GTF3C4: variants seen among roughly 807,000 people sequenced by gnomAD.
The protein encoded by GTF3C4 is general transcription factor 3C polypeptide 4.
A neutral mutation model predicts 67.5 loss-of-function variants in GTF3C4; 28 were observed. That is an observed-to-expected ratio of 0.41 (90% CI 0.31 to 0.57). The LOEUF is 0.57. Among genes scored for constraint, GTF3C4 ranks in the 20% least tolerant of loss-of-function variants. The probability of loss-of-function intolerance (pLI) is 0.21; values close to 1 mark genes in which losing one functional copy is unlikely to be tolerated. For missense variants in GTF3C4, 831 were observed against 1,033.2 expected, an observed-to-expected ratio of 0.80 and a Z score of 2.68; for synonymous variants, 409 against 393.0, an observed-to-expected ratio of 1.04 and a Z score of -0.48.
At chr9:132,688,142 G>A (rs1413762628) in intron 4 of GTF3C4, among the ~76,000 whole-genome samples, 2 of 152,222 alleles carry the variant, frequency 1.3e-5, no homozygotes, top group African/African-American at 4.8e-5. Flanking sequence ...AAAGGAAAGA[G>A]AAGGGTATAA....
intron 1 of GTF3C4, among the ~76,000 whole-genome samples, chr9:132,671,453 T>TTGTTTCAG (rs1328784943): frequency 4.6e-5 from 7 of 152,242 alleles, no homozygotes; most frequent in African/African-American, 1.7e-4. Flanking sequence ...ATTGTCTTAA[T>TTGTTTCAG]TGTTTCAGTG....
At chr9:132,672,938 A>G (rs1835806987) in intron 1 of GTF3C4, among the ~76,000 whole-genome samples, 1 of 152,042 alleles carries the variant, frequency 6.6e-6, no homozygotes, top group South Asian at 2.1e-4. Flanking sequence ...TAATCCCAGC[A>G]CTTTGGGAGG....
Position 132,677,984 on chromosome 9 carries a change from C to G in GTF3C4, c.365C>G (p.Ser122Ter). The change falls in exon 2 of 5, where the codon TCA (serine) becomes TGA (stop). Residue 122 changes from serine (S) to a stop codon, truncating the protein, a stop_gained. Coordinates refer to ENST00000372146, the MANE Select transcript of GTF3C4 (RefSeq NM_012204.4). LOFTEE classifies it high-confidence loss of function. ...TATATCTCTTATTTTCAGGTTGGCT[C>G]AAAAACAGAAGTTGCTGAGTGCAAG... ...PLNSCLLKVG[S>*]KTEVAECKEK... The G allele has an allele frequency of 6.3e-7, 1 of 1,592,358 alleles. No individual in the cohort carries two copies. The highest frequency in any genetic ancestry group is 1.1e-5 in the South Asian group (1 of 87,468).
chr9:132,689,047 G>T lies in GTF3C4; in HGVS notation c.*102G>T. On this transcript the variant is annotated 3_prime_UTR_variant, in exon 5 of 5. Coordinates refer to ENST00000372146, the MANE Select transcript of GTF3C4 (RefSeq NM_012204.4). ...GCACTGGAGGAAGCCGGACCCTCAC[G>T]AGTGGAGAGAAGTCCTTGGTGATTG... 1 of 833,758 alleles carries T rather than the reference G, an allele frequency of 1.2e-6. No individual in the cohort carries two copies. Among genetic ancestry groups the T allele is most frequent in the South Asian group, 1.4e-5 (1 of 72,306 alleles). 51.6% of individuals were successfully genotyped at this position (833,758 alleles called of 1,614,324 possible).
At chr9:132,670,261 G>C (rs902213228), upstream of GTF3C4, 1 of 1,522,542 alleles carries the variant, frequency 6.6e-7, no homozygotes, top group Admixed American at 2.1e-5. Context: ...TCACCGACGA[G>C]CCTCCCCTTT....
rs550973906 is a variant in GTF3C4 at position 132,671,050 on chromosome 9, G to C, written c.357+95G>C. The C allele has an allele frequency of 1.1e-5, 9 of 849,440 alleles. No homozygotes were observed. In the South Asian group the frequency reaches 1.3e-4, roughly 12 times the overall value. The allele number at this position is 849,440 out of a possible 1,614,324, so 52.6% of individuals were successfully genotyped here. ...GGGAATCCGATCCCACACTCTGTCC[G>C]GGGATTTCCCTCTTCGCACCGAGCG... On this transcript the variant is annotated intron_variant, in intron 1 of 4. Coordinates refer to ENST00000372146, the MANE Select transcript of GTF3C4 (RefSeq NM_012204.4).
rs1416444981 is a variant in GTF3C4 at position 132,679,782 on chromosome 9, G to A, written c.2163G>A (p.Glu721=). ...GLCNFLMSDE[E]YDDRTARVLI... is the part of the protein sequence containing the mutation. The stretch of plus-strand genomic sequence containing the variant: ...GTAACTTTTTAATGTCTGATGAAGA[G>A]TATGATGACAGAACTGCACGGGTAG... Residue 721 remains glutamate, a synonymous_variant, in exon 2 of 5, where the codon GAG becomes GAA. Transcript: ENST00000372146. The surrounding 1 kb of genome is among the most constrained non-coding windows in gnomAD (Gnocchi z 5.9). 1.2e-6 allele frequency: 2 copies of A among 1,607,156 alleles called. No homozygotes were observed. Among genetic ancestry groups the A allele is most frequent in the East Asian group, 4.5e-5 (2 of 44,664 alleles).
intron 4 of GTF3C4, among the ~76,000 whole-genome samples, 157 bp downstream of exon 4, chr9:132,687,484 G>T (rs912360406): frequency 1.3e-5 from 2 of 152,196 alleles, no homozygotes; most frequent in African/African-American, 2.4e-5. Context: ...TCTTTACGGT[G>T]TTACTGTGAA....
chr9:132,691,388 T>C lies in GTF3C4; in HGVS notation c.*2443T>C, dbSNP rs1252760378. The C allele has an allele frequency of 6.6e-6, 1 of 152,254 alleles. No homozygotes were observed. The highest frequency in any genetic ancestry group is 1.5e-5 in the Non-Finnish European group (1 of 68,036). The allele number at this position is 152,254 out of a possible 1,614,324, so 9.4% of individuals were successfully genotyped here. ...CAAACTTACATCCTCTATACCGTCC[T>C]AAAATTTGCCTGATCTTATTTGGTA... On this transcript the variant is annotated 3_prime_UTR_variant, in exon 5 of 5. Coordinates refer to ENST00000372146, the MANE Select transcript of GTF3C4 (RefSeq NM_012204.4).
At chr9:132,681,273 A>G (rs1835939875) in intron 2 of GTF3C4, among the ~76,000 whole-genome samples, 1 of 152,190 alleles carries the variant, frequency 6.6e-6, no homozygotes, top group Non-Finnish European at 1.5e-5. Context: ...GATTTAGAAT[A>G]ATTGTCCAGA....
intron 3 of GTF3C4, among the ~76,000 whole-genome samples, chr9:132,685,968 CAAG>C (rs1836020852): frequency 1.3e-5 from 2 of 152,300 alleles, no homozygotes; most frequent in African/African-American, 2.4e-5. Flanking sequence ...ATTAATGATG[CAAG>C]AAGAGACAGG....
rs147445802 is a variant in GTF3C4, at chr9:132,687,248, A to G, written c.2325A>G (p.Leu775=). Residue 775 remains leucine (L), a synonymous_variant, in exon 4 of 5, where the codon TTA becomes TTG. Coordinates refer to ENST00000372146, the MANE Select transcript of GTF3C4 (RefSeq NM_012204.4). Reference sequence around the variant, plus strand: ...GTCTGTCTTCTTTCAGGTGCTTCTTAACCTACCAGTCCTGCCAGAGTTTGA... The same window carrying G: ...GTCTGTCTTCTTTCAGGTGCTTCTTGACCTACCAGTCCTGCCAGAGTTTGA... ...SNGHIWLRCF[L]TYQSCQSLIY... is the part of the protein sequence containing the mutation. 76 of 1,588,790 alleles carry G rather than the reference A, an allele frequency of 4.8e-5. No individual in the cohort carries two copies. In the East Asian group the frequency reaches 1.1e-3, roughly 23 times the overall value.
At chr9:132,676,564 A>G (rs961714668) in intron 1 of GTF3C4, among the ~76,000 whole-genome samples, 1 of 150,162 alleles carries the variant, frequency 6.7e-6, no homozygotes, top group Non-Finnish European at 1.5e-5. Context: ...CCAGTGATCC[A>G]CCTACCTCGG....
In GTF3C4 at chr9:132,678,277, A is replaced by G. The variant is rs1835891490; in HGVS notation, c.658A>G (p.Ser220Gly). 6.2e-7 allele frequency: 1 copy of G among 1,614,200 alleles called. No individual in the cohort carries two copies. The highest frequency in any genetic ancestry group is 1.7e-5 in the Admixed American group (1 of 60,028). Residue 220 changes from serine (S) to glycine (G), a missense_variant, in exon 2 of 5, where the codon AGT becomes GGT. Ser to Gly is a moderately conservative substitution (Grantham distance 56). Transcript: ENST00000372146. This position sits in a 1 kb window ranked among gnomAD's most constrained non-coding sequence, Gnocchi z 6.5. ...CTATGGAGAACGTCTTTATGAGACC[A>G]GTTACAGGCTCTCTAAAAATGAGGC... ...EIYGERLYET[S>G]YRLSKNEAPE...
chr9:132,679,264 A>G lies in GTF3C4; in HGVS notation c.1645A>G (p.Lys549Glu). ...LIDLVRWKIL[K>E]DKHIPQFLQE... The stretch of plus-strand genomic sequence containing the variant: ...AGACCTAGTACGCTGGAAGATTTTA[A>G]AAGATAAACATATCCCTCAATTTTT... The change falls in exon 2 of 5, where the codon AAA (lysine) becomes GAA (glutamate). Residue 549 changes from lysine to glutamate, a missense_variant. This residue lies in a region of GTF3C4 where 390 missense variants were observed against 540.3 expected (regional missense o/e 0.72). Transcript: ENST00000372146. The surrounding 1 kb of genome is among the most constrained non-coding windows in gnomAD (Gnocchi z 5.9). The G allele has an allele frequency of 6.2e-7, 1 of 1,613,604 alleles. No individual in the cohort carries two copies. Among genetic ancestry groups the G allele is most frequent in the Middle Eastern group, 1.7e-4 (1 of 6,060 alleles).
intron 2 of GTF3C4, among the ~76,000 whole-genome samples, chr9:132,682,159 C>T (rs1243683075): frequency 2.6e-5 from 4 of 151,850 alleles, no homozygotes; most frequent in Admixed American, 1.3e-4. Flanking sequence ...TAGTTTTTGT[C>T]ACTGTATCAT....
chr9:132,680,479 C>A (rs1310757076), intron 2 of GTF3C4, among the ~76,000 whole-genome samples: 1 of 152,202 alleles, frequency 6.6e-6, no homozygotes, highest in East Asian at 1.9e-4. Flanking sequence ...ATCAGAGAAT[C>A]TTTCTTGCAG....
At chr9:132,680,759 A>G (rs962478538) in intron 2 of GTF3C4, among the ~76,000 whole-genome samples, 2 of 152,224 alleles carry the variant, frequency 1.3e-5, no homozygotes, top group South Asian at 2.1e-4. Flanking sequence ...GAATGTTTGC[A>G]ATGGTCTTAA....
upstream of GTF3C4, chr9:132,670,215 T>C (rs1172476651): frequency 1.9e-6 from 3 of 1,554,336 alleles, no homozygotes; most frequent in East Asian, 2.3e-5. Flanking sequence ...GGGGAAGCTC[T>C]CTGAATGCCT....
Sources: gnomAD v4.1 joint callset for allele counts (sites outside exome capture counted in the v4.1 genomes callset) on GRCh38, gnomAD v4.1.1 for gene constraint, gnomAD v4.1.1 regional missense constraint, Gnocchi (gnomAD v3.1) non-coding constraint, MANE v1.5 for transcripts, NCBI Gene and HGNC (gene_info 2026-07-23, HGNC 2026-07-21) for gene names.